The following MED13L variants were observed in gnomAD, a reference collection of about 807,000 sequenced individuals.
MED13L encodes mediator of RNA polymerase II transcription subunit 13-like.
Under a neutral mutation model 220.9 loss-of-function variants are expected in MED13L, and 7 were observed. That is an observed-to-expected ratio of 0.03 (90% confidence interval 0.02 to 0.06). The LOEUF is 0.06. MED13L is among the 10% of genes least tolerant of loss of function. The pLI, the probability that MED13L is intolerant of heterozygous loss-of-function variation, is 1.00. For synonymous variants in MED13L, 1,011 were observed against 1,015.2 expected (o/e 1.00, Z 0.08); for missense variants, 1,965 against 2,760.5 (o/e 0.71, Z 6.46).
chr12:116,197,800 A>G (rs1004757668), intron 2 of MED13L, among the ~76,000 whole-genome samples: 1 of 151,908 alleles, frequency 6.6e-6, no homozygotes, highest in African/African-American at 2.4e-5. Flanking sequence ...AAAAGCAGTT[A>G]CTCACCAGCT....
intron 4 of MED13L, among the ~76,000 whole-genome samples, chr12:116,037,413 T>C (rs1007525897): frequency 6.6e-6 from 1 of 152,190 alleles, no homozygotes; most frequent in South Asian, 2.1e-4. Context: ...AACAAATGAA[T>C]TGCACATTTA....
At chr12:116,057,627 T>C (rs1171660010) in intron 4 of MED13L, among the ~76,000 whole-genome samples, 4 of 151,168 alleles carry the variant, frequency 2.6e-5, no homozygotes, top group Non-Finnish European at 5.9e-5. Context: ...ACCCCAAACT[T>C]AGACTAATGG....
intron 5 of MED13L, among the ~76,000 whole-genome samples, chr12:116,022,247 T>A (rs1880103261): frequency 6.6e-6 from 1 of 152,250 alleles, no homozygotes; most frequent in Admixed American, 6.5e-5. Context: ...CCATCTTATA[T>A]ATGCGATAAG....
chr12:116,102,879 G>A (rs1161901304), intron 3 of MED13L, among the ~76,000 whole-genome samples: 1 of 151,306 alleles, frequency 6.6e-6, no homozygotes. Flanking sequence ...GCCCCACCAC[G>A]CCTAATTTTT....
intron 4 of MED13L, among the ~76,000 whole-genome samples, chr12:116,092,915 G>C (rs1010086669): frequency 6.6e-6 from 1 of 152,056 alleles, no homozygotes; most frequent in Non-Finnish European, 1.5e-5. Context: ...CCCAGAAAAT[G>C]AATTAGCAAG....
rs191896962 is a variant in MED13L at position 115,962,155 on chromosome 12, T to C, written c.6501-757A>G. On this transcript the variant is annotated intron_variant, in intron 30 of 30. Coordinates refer to ENST00000281928, the MANE Select transcript of MED13L (RefSeq NM_015335.5). ...GAAAAATTTTAATTAGATTTGAGGT[T>C]CACATTGTATTTCTATTGGACAGTG... Among the ~76,000 whole-genome samples the C allele has an allele frequency of 3.9e-5, 6 of 152,326 alleles. No homozygotes were observed. In the East Asian group the frequency reaches 9.6e-4, roughly 24 times the overall value.
At chr12:116,248,327 A>G (rs1466722830) in intron 1 of MED13L, among the ~76,000 whole-genome samples, 2 of 152,202 alleles carry the variant, frequency 1.3e-5, no homozygotes, top group African/African-American at 2.4e-5. Flanking sequence ...GGAAAAACTG[A>G]TGATTAAAGC....
At chr12:116,253,228 C>T (rs1351733175) in intron 1 of MED13L, among the ~76,000 whole-genome samples, 2 of 145,038 alleles carry the variant, frequency 1.4e-5, no homozygotes, top group Non-Finnish European at 3.0e-5. Flanking sequence ...GCCAAGATGG[C>T]GCCATTGCAC....
intron 16 of MED13L, among the ~76,000 whole-genome samples, chr12:115,995,521 T>C (rs2137323716): frequency 6.6e-6 from 1 of 152,254 alleles, no homozygotes; most frequent in Non-Finnish European, 1.5e-5. Flanking sequence ...CCTCGTGAGT[T>C]CAAGTGATTC....
intron 4 of MED13L, among the ~76,000 whole-genome samples, chr12:116,061,358 C>A (rs918818557): frequency 5.3e-5 from 8 of 151,690 alleles, no homozygotes; most frequent in African/African-American, 1.9e-4. Context: ...ACAATAAATT[C>A]TCAATTTCTC....
intron 2 of MED13L, among the ~76,000 whole-genome samples, chr12:116,129,684 G>C (rs1362123191): frequency 6.6e-6 from 1 of 152,126 alleles, no homozygotes; most frequent in Non-Finnish European, 1.5e-5. Flanking sequence ...CAAGGTGGGC[G>C]GATCACCCAA....
At chr12:116,223,574 C>T (rs1049557633) in intron 2 of MED13L, among the ~76,000 whole-genome samples, 1 of 151,960 alleles carries the variant, frequency 6.6e-6, no homozygotes, top group African/African-American at 2.4e-5. Flanking sequence ...CATGGTGGTA[C>T]GTGCCTGTAG....
At chr12:116,095,045 C>T (rs1872537978) in intron 4 of MED13L, among the ~76,000 whole-genome samples, 1 of 151,962 alleles carries the variant, frequency 6.6e-6, no homozygotes, top group African/African-American at 2.4e-5. Context: ...GCCTACAGTC[C>T]CAGCTACTTG....
chr12:115,975,867 C>T (rs1355350284), intron 23 of MED13L, 129 bp from the exon 24 acceptor site: 2 of 794,116 alleles, frequency 2.5e-6, no homozygotes, highest in Non-Finnish European at 4.2e-6. Context: ...TCTCTCTCTC[C>T]AGTACTAGAG....
intron 4 of MED13L, among the ~76,000 whole-genome samples, chr12:116,082,926 T>C (rs1871328738): frequency 6.6e-6 from 1 of 152,116 alleles, no homozygotes; most frequent in Admixed American, 6.6e-5. Context: ...ATCAAATGAT[T>C]TGAAAGAGGA....
chr12:116,186,684 T>TG (rs1231208261), intron 2 of MED13L, among the ~76,000 whole-genome samples: 5 of 152,192 alleles, frequency 3.3e-5, no homozygotes, highest in African/African-American at 1.2e-4. Flanking sequence ...TTGTGATACT[T>TG]GGTTTACTGC....
chr12:116,119,963 T>G (rs1177752940), intron 2 of MED13L, among the ~76,000 whole-genome samples: 1 of 150,738 alleles, frequency 6.6e-6, no homozygotes, highest in Admixed American at 6.6e-5. Flanking sequence ...TTACACCTAC[T>G]GTTACAAATA....
chr12:116,024,765 T>C (rs1162564814), intron 4 of MED13L, among the ~76,000 whole-genome samples: 2 of 8,998 alleles, frequency 2.2e-4, no homozygotes, highest in South Asian at 0.015. Flanking sequence ...TGCTTTTTTT[T>C]GGCGGGGCGG....
intron 25 of MED13L, among the ~76,000 whole-genome samples, chr12:115,973,876 T>C (rs1876755937): frequency 6.6e-6 from 1 of 152,172 alleles, no homozygotes; most frequent in Non-Finnish European, 1.5e-5. Context: ...TTAATACATA[T>C]GATGTAATAT....
Sources: allele counts gnomAD v4.1 joint callset (sites outside exome capture counted in the v4.1 genomes callset), GRCh38; gene constraint gnomAD v4.1.1; transcripts MANE v1.5; gene names NCBI Gene and HGNC (gene_info 2026-07-23, HGNC 2026-07-21).